The following NUMB variants were observed in gnomAD, a reference collection of about 807,000 sequenced individuals.
NUMB encodes the protein protein numb homolog.
A neutral mutation model predicts 59.7 loss-of-function variants in NUMB; 29 were observed. The ratio of observed to expected loss-of-function variants is 0.49; its 90% CI spans 0.36 to 0.66. NUMB has a LOEUF of 0.66. Among genes scored for constraint, NUMB ranks in the 30% least tolerant of loss-of-function variants. The pLI is 0.00. For missense variants in NUMB, 723 were observed against 822.0 expected, an observed-to-expected ratio of 0.88 and a Z score of 1.47; for synonymous variants, 288 against 288.2, an observed-to-expected ratio of 1.00 and a Z score of 0.01.
intron 6 of NUMB, among the ~76,000 whole-genome samples, chr14:73,314,495 C>A (rs1890972082): frequency 6.6e-6 from 1 of 152,090 alleles, no homozygotes; most frequent in Admixed American, 6.6e-5. Context: ...TCCAGCTCAG[C>A]TACAGTGTAG....
intron 2 of NUMB, among the ~76,000 whole-genome samples, chr14:73,377,946 T>C (rs767142229): frequency 8.6e-5 from 13 of 151,196 alleles, no homozygotes; most frequent in Non-Finnish European, 1.3e-4. Context: ...AGCCTGGAGA[T>C]AGATATATAT....
rs781421742 is a variant in NUMB at position 73,287,104 on chromosome 14, T to C, written c.655+6A>G. 6.8e-6 allele frequency: 11 copies of C among 1,612,320 alleles called. No homozygotes were observed. Among genetic ancestry groups the C allele is most frequent in the Admixed American group, 6.7e-5 (4 of 59,998 alleles). ...CCATAAATACACACTGTAGAACAGA[T>C]TGTACCTTTCTTGGCATCTTGCATT... On this transcript the variant is annotated splice_donor_region_variant and intron_variant, in intron 9 of 12. Transcript: ENST00000555238.
At chr14:73,387,314 A>C (rs1464979544) in intron 2 of NUMB, among the ~76,000 whole-genome samples, 1 of 152,098 alleles carries the variant, frequency 6.6e-6, no homozygotes, top group Non-Finnish European at 1.5e-5. Flanking sequence ...TGCTGTTCTC[A>C]TGATAGCAAG....
chr14:73,455,167 AT>A (rs1219800154), intron 1 of NUMB, among the ~76,000 whole-genome samples: 3 of 152,212 alleles, frequency 2.0e-5, no homozygotes, highest in Non-Finnish European at 2.9e-5. Context: ...AGAGAAAAAA[AT>A]AAACCAAAAA....
At chr14:73,393,173 A>G (rs949395047) in intron 2 of NUMB, among the ~76,000 whole-genome samples, 1 of 152,206 alleles carries the variant, frequency 6.6e-6, no homozygotes, top group Non-Finnish European at 1.5e-5. Flanking sequence ...ATCACATTGC[A>G]TTTAATCCTG....
Position 73,275,931 on chromosome 14 carries a change from T to A in NUMB, c.*647A>T, listed in dbSNP as rs902457919. The A allele has an allele frequency of 5.2e-5, 8 of 152,684 alleles. No individual in the cohort carries two copies. Among genetic ancestry groups the A allele is most frequent in the Non-Finnish European group, 1.2e-4 (8 of 68,060 alleles). The allele number at this position is 152,684 out of a possible 1,614,324, so 9.5% of individuals were successfully genotyped here. ...CTTTGGCAAGATTACTTACAACTCA[T>A]ACAACTTCTTAATATCTGAGAACTA... On this transcript the variant is annotated 3_prime_UTR_variant, in exon 13 of 13. Coordinates refer to ENST00000555238, the MANE Select transcript of NUMB (RefSeq NM_001005743.2).
At chr14:73,443,109 TC>T (rs1210218671) in intron 1 of NUMB, among the ~76,000 whole-genome samples, 1 of 152,128 alleles carries the variant, frequency 6.6e-6, no homozygotes, top group Non-Finnish European at 1.5e-5. Flanking sequence ...CAATCTGCCT[TC>T]CTTGGCCTCC....
rs528126691 is a variant in NUMB, at chr14:73,415,332, C to A, written c.-232-5264G>T. 1.5e-4 allele frequency among the ~76,000 whole-genome samples: 23 copies of A among 152,154 alleles called. No homozygotes were observed. The South Asian group carries it at 4.8e-3, about 32-fold the overall frequency. ...AACAACATTGTTACTAGTGAAAACA[C>A]CTTACATGTTATTTGACCAAAATGA... On this transcript the variant is annotated intron_variant, in intron 1 of 12. Transcript: ENST00000555238.
Position 73,293,393 on chromosome 14 carries a change from C to CTT in NUMB, c.310-521_310-520dup, listed in dbSNP as rs56116167. Among the ~76,000 whole-genome samples the CTT allele has an allele frequency of 2.0e-4, 19 of 95,564 alleles. 1 individual carries two copies. The East Asian group carries it at 2.4e-3, about 12-fold the overall frequency. The allele number at this position is 95,564 out of a possible 152,430, so 62.7% of individuals were successfully genotyped here. On this transcript the variant is annotated intron_variant, in intron 7 of 12. Coordinates refer to ENST00000555238, the MANE Select transcript of NUMB (RefSeq NM_001005743.2). ...GTGGAATTTCCACTCGTTTCTTTTT[C>CTT]TTTTTTTTTTTTTTTTTTTGGACAG...
chr14:73,450,721 G>A (rs1425255101), intron 1 of NUMB, among the ~76,000 whole-genome samples: 1 of 151,978 alleles, frequency 6.6e-6, no homozygotes, highest in Non-Finnish European at 1.5e-5. Context: ...CCTGATAGGC[G>A]GAGGTTGCAG....
At chr14:73,351,715 G>A (rs149395483) in intron 4 of NUMB, among the ~76,000 whole-genome samples, 5,899 of 152,064 alleles carry the variant, frequency 0.039, 133 homozygotes, top group Non-Finnish European at 0.053. Context: ...GGTGGCTCAC[G>A]CCTGTAATCC....
chr14:73,434,683 T>C (rs1230987925), intron 1 of NUMB, among the ~76,000 whole-genome samples: 2 of 151,654 alleles, frequency 1.3e-5, no homozygotes, highest in Non-Finnish European at 2.9e-5. Flanking sequence ...CTAGACAACA[T>C]AGCGAGACTT....
intron 5 of NUMB, among the ~76,000 whole-genome samples, chr14:73,317,490 C>T (rs1394375446): frequency 3.9e-5 from 6 of 152,106 alleles, no homozygotes; most frequent in African/African-American, 1.4e-4. Context: ...TTAGTAGAGA[C>T]AGGGTTTCAC....
chr14:73,372,313 A>ATATATATATATATATATATAACCTTT (rs1566766424), intron 2 of NUMB, among the ~76,000 whole-genome samples: 152 of 98,688 alleles, frequency 1.5e-3, no homozygotes, highest in African/African-American at 6.3e-3. Context: ...TTTTATATAT[A>ATATATATATATATATATATAACCTTT]TATATATATA....
Position 73,330,389 on chromosome 14 carries a change from A to T in NUMB, c.127-7185T>A, listed in dbSNP as rs566423833. On this transcript the variant is annotated intron_variant, in intron 4 of 12. Coordinates refer to ENST00000555238, the MANE Select transcript of NUMB (RefSeq NM_001005743.2). Reference sequence around the variant, plus strand: ...GACTTTCAATCAGTTCCATATATATATTTTTTTCATAGTCACATTTCCCTG... The same window carrying T: ...GACTTTCAATCAGTTCCATATATATTTTTTTTTCATAGTCACATTTCCCTG... Among the ~76,000 whole-genome samples, 10 of 151,926 alleles carry T rather than the reference A, an allele frequency of 6.6e-5. 1 individual carries two copies. The highest frequency in any genetic ancestry group is 3.9e-4 in the East Asian group (2 of 5,174).
At chr14:73,423,190 C>A (rs1485163282) in intron 1 of NUMB, among the ~76,000 whole-genome samples, 1 of 151,976 alleles carries the variant, frequency 6.6e-6, no homozygotes, top group African/African-American at 2.4e-5. Context: ...GTATTTATGG[C>A]ACAAGATCAA....
chr14:73,434,613 C>G (rs1897973308), intron 1 of NUMB, among the ~76,000 whole-genome samples: 2 of 152,072 alleles, frequency 1.3e-5, no homozygotes, highest in African/African-American at 4.8e-5. Flanking sequence ...CACCTGTAAT[C>G]CCAGCACTCT....
chr14:73,394,422 AAGAG>A (rs1259771213), intron 2 of NUMB, among the ~76,000 whole-genome samples: 65 of 147,768 alleles, frequency 4.4e-4, no homozygotes, highest in Non-Finnish European at 7.7e-4. Context: ...AAAAAAAAAA[AAGAG>A]AGAGAGATTG....
chr14:73,398,855 C>T (rs1401497764), intron 2 of NUMB, among the ~76,000 whole-genome samples: 5 of 151,818 alleles, frequency 3.3e-5, no homozygotes, highest in Admixed American at 2.6e-4. Flanking sequence ...AGTATGTGTA[C>T]GGGCCACAAG....
Sources: gnomAD v4.1 joint callset for allele counts (sites outside exome capture counted in the v4.1 genomes callset) on GRCh38, gnomAD v4.1.1 for gene constraint, MANE v1.5 for transcripts, NCBI Gene and HGNC (gene_info 2026-07-23, HGNC 2026-07-21) for gene names.